CCL1: variants seen among roughly 807,000 people sequenced by gnomAD.
CCL1 encodes the protein C-C motif chemokine ligand 1, also known as C-C motif chemokine 1.
Under a neutral mutation model 7.5 loss-of-function variants are expected in CCL1, and 9 were observed. The ratio of observed to expected loss-of-function variants is 1.20; its 90% CI spans 0.72 to 2.09. CCL1 has a LOEUF of 2.09. Among genes scored for constraint, CCL1 ranks in the 30% most tolerant of loss-of-function variants. The pLI is 0.00. For missense variants in CCL1, 110 were observed against 113.7 expected, an observed-to-expected ratio of 0.97 and a Z score of 0.15; for synonymous variants, 48 against 44.7, an observed-to-expected ratio of 1.07 and a Z score of -0.30.
rs200448344 is a variant in CCL1 at position 34,363,137 on chromosome 17, C to G, written c.25G>C (p.Val9Leu). 43 of 1,613,796 alleles carry G rather than the reference C, an allele frequency of 2.7e-5. No homozygotes were observed. The Middle Eastern group carries it at 1.2e-3, about 43-fold the overall frequency. Residue 9 changes from valine (V) to leucine (L), a missense_variant, in exon 1 of 3, where the codon GTG (valine) becomes CTG (leucine). By Grantham distance (32) the Val-to-Leu change is conservative (BLOSUM62 1). Coordinates refer to ENST00000225842, the MANE Select transcript of CCL1 (RefSeq NM_002981.2). ...CACATCCCAGCTAGCAGCAAGCACA[C>G]CAGGGCTGTGGTGATGATCTGCATG... MQIITTAL[V>L]CLLLAGMWPE... is the part of the protein sequence containing the mutation.
intron 2 of CCL1, 73 bp downstream of exon 2, chr17:34,361,712 A>C: frequency 1.0e-6 from 1 of 995,032 alleles, no homozygotes; most frequent in South Asian, 1.3e-5. Context: ...ACTGTCATCT[A>C]GTGTCTACTC....
In CCL1 at chr17:34,360,397, G is replaced by T. The variant is rs1910473793; in HGVS notation, c.*162C>A. On this transcript the variant is annotated 3_prime_UTR_variant, in exon 3 of 3. Transcript: ENST00000225842. ...CCCAGAGGGTTGGGGGTTGATGATT[G>T]TATAATTTAAATGTTTAAAGTGCAA... is the stretch of plus-strand genomic sequence containing the variant. 3.3e-6 allele frequency: 2 copies of T among 603,152 alleles called. No individual in the cohort carries two copies. Among genetic ancestry groups the T allele is most frequent in the South Asian group, 1.9e-5 (1 of 51,676 alleles). 37.4% of individuals were successfully genotyped at this position (603,152 alleles called of 1,614,324 possible).
chr17:34,361,770 C>CCCT lies in CCL1; in HGVS notation c.188+14_188+15insAGG. On this transcript the variant is annotated intron_variant, in intron 2 of 2. Transcript: ENST00000225842. ...TTCTGTTCTCTAGGGAGAGATTGAG[C>CCCT]AGGTGATCACTTACATTAAGCCCTC... The CCCT allele has an allele frequency of 6.7e-7, 1 of 1,500,032 alleles. No homozygotes were observed. Among genetic ancestry groups the CCCT allele is most frequent in the Non-Finnish European group, 9.3e-7 (1 of 1,076,822 alleles). 92.9% of individuals were successfully genotyped at this position (1,500,032 alleles called of 1,614,324 possible). A position where few individuals can be genotyped will look rare whatever the true frequency, so the allele number is the denominator to read the frequency against.
At chr17:34,362,110 G>A (rs757030303) in intron 1 of CCL1, among the ~76,000 whole-genome samples, 5 of 152,140 alleles carry the variant, frequency 3.3e-5, no homozygotes, top group Non-Finnish European at 5.9e-5. Flanking sequence ...TGAGCTCCCC[G>A]CACCCCAGCT....
At chr17:34,362,956 C>T in intron 1 of CCL1, 130 bp downstream of exon 1, 1 of 797,534 alleles carries the variant, frequency 1.3e-6, no homozygotes, top group Non-Finnish European at 2.0e-6. Flanking sequence ...GTTCACCATT[C>T]CTCCTCTTTA....
At chr17:34,361,999 C>G (rs1214041823) in intron 1 of CCL1, 103 bp from the exon 2 acceptor site, 1 of 717,056 alleles carries the variant, frequency 1.4e-6, no homozygotes, top group Non-Finnish European at 2.4e-6. Flanking sequence ...AGGACAAGCC[C>G]TGGCTTGGGG....
At position 34,361,903 on chromosome 17, in the gene CCL1, G is replaced by A. The variant is rs1178517334; in HGVS notation, c.77-7C>T. On this transcript the variant is annotated splice_polypyrimidine_tract_variant and splice_region_variant and intron_variant, in intron 1 of 2. Transcript: ENST00000225842. ...CTGGAGAAGGGTACCTGCACTAGAA[G>A]AGGAACACAGACGATGGTTTGCATC... The A allele has an allele frequency of 3.2e-6, 5 of 1,558,034 alleles. No individual in the cohort carries two copies. Among genetic ancestry groups the A allele is most frequent in the East Asian group, 2.3e-5 (1 of 44,160 alleles).
chr17:34,362,049 G>C (rs1178076661), intron 1 of CCL1, among the ~76,000 whole-genome samples, 153 bp from the exon 2 acceptor site: 5 of 152,206 alleles, frequency 3.3e-5, no homozygotes, highest in Non-Finnish European at 5.9e-5. Context: ...TGCCTCATCA[G>C]CCACCTTGTT....
At position 34,361,773 on chromosome 17, in the gene CCL1, G is replaced by A. The variant is rs372789971; in HGVS notation, c.188+12C>T. The A allele has an allele frequency of 9.8e-6, 15 of 1,529,496 alleles. No individual in the cohort carries two copies. The highest frequency in any genetic ancestry group is 2.2e-5 in the South Asian group (2 of 89,328). The allele number at this position is 1,529,496 out of a possible 1,614,324, so 94.7% of individuals were successfully genotyped here. A position where few individuals can be genotyped will look rare whatever the true frequency, so the allele number is the denominator to read the frequency against. On this transcript the variant is annotated intron_variant, in intron 2 of 2. Transcript: ENST00000225842. ...TGTTCTCTAGGGAGAGATTGAGCAGGTGATCACTTACATTAAGCCCTCATT... is the reference window on the plus strand; with the variant it reads ...TGTTCTCTAGGGAGAGATTGAGCAGATGATCACTTACATTAAGCCCTCATT...
rs879212847 is a variant in CCL1, at chr17:34,361,916, G to A, written c.77-20C>T. ...CCTGCACTAGAAGAGGAACACAGAC[G>A]ATGGTTTGCATCCATTTCTCAACCT... On this transcript the variant is annotated intron_variant, in intron 1 of 2. Coordinates refer to ENST00000225842, the MANE Select transcript of CCL1 (RefSeq NM_002981.2). The A allele has an allele frequency of 6.0e-6, 9 of 1,490,426 alleles. No individual in the cohort carries two copies. Among genetic ancestry groups the A allele is most frequent in the Admixed American group, 1.7e-5 (1 of 58,994 alleles). 92.3% of individuals were successfully genotyped at this position (1,490,426 alleles called of 1,614,324 possible).
chr17:34,360,489 G>A lies in CCL1; in HGVS notation c.*70C>T. The A allele has an allele frequency of 8.7e-7, 1 of 1,153,828 alleles. No individual in the cohort carries two copies. Among genetic ancestry groups the A allele is most frequent in the South Asian group, 1.2e-5 (1 of 81,720 alleles). The allele number at this position is 1,153,828 out of a possible 1,614,324, so 71.5% of individuals were successfully genotyped here. On this transcript the variant is annotated 3_prime_UTR_variant, in exon 3 of 3. Coordinates refer to ENST00000225842, the MANE Select transcript of CCL1 (RefSeq NM_002981.2). ...GCAAAAGCAGGGCAGAAGGAATGGTGTAGGGCTGGTAGTTTCGGGGACAGG... is the reference window on the plus strand; with the variant it reads ...GCAAAAGCAGGGCAGAAGGAATGGTATAGGGCTGGTAGTTTCGGGGACAGG...
chr17:34,360,564 T>A lies in CCL1; in HGVS notation c.286A>T (p.Lys96Ter). The change falls in exon 3 of 3, where the codon AAA becomes TAA. Residue 96 changes from lysine to a stop codon, truncating the protein, a stop_gained. Transcript: ENST00000225842. LOFTEE classifies it high-confidence loss of function. ...KMLRHCPSKR[K>*] ...CACAATGGAAAGAAATCTGCTCATT[T>A]TCTTTTTGACGGGCAGTGCCTCAGC... 6.2e-7 allele frequency: 1 copy of A among 1,613,400 alleles called. No homozygotes were observed.
At chr17:34,361,233 C>G (rs1910498247) in intron 2 of CCL1, among the ~76,000 whole-genome samples, 1 of 152,086 alleles carries the variant, frequency 6.6e-6, no homozygotes, top group Non-Finnish European at 1.5e-5. Flanking sequence ...AAAATATGTG[C>G]CCCAAGAGGA....
intron 2 of CCL1, 90 bp from the exon 3 acceptor site, chr17:34,360,751 TC>T: frequency 2.1e-6 from 2 of 930,452 alleles, no homozygotes; most frequent in East Asian, 2.4e-5. Flanking sequence ...GGCTGCCAGG[TC>T]CCCTAAACTG....
Position 34,360,952 on chromosome 17 carries a change from G to T in CCL1, c.189-291C>A, listed in dbSNP as rs181033391. ...AAACATTCTGACGATTAGGTGAGAT[G>T]AGAAATTCCCATCCTGGAATAGCTC... On this transcript the variant is annotated intron_variant, in intron 2 of 2. Coordinates refer to ENST00000225842, the MANE Select transcript of CCL1 (RefSeq NM_002981.2). Among the ~76,000 whole-genome samples, 295 of 152,244 alleles carry T rather than the reference G, an allele frequency of 1.9e-3. 1 individual carries two copies. Among genetic ancestry groups the T allele is most frequent in the African/African-American group, 6.5e-3 (268 of 41,542 alleles).
intron 1 of CCL1, among the ~76,000 whole-genome samples, chr17:34,362,825 C>T (rs114641349): frequency 1.1e-3 from 161 of 152,266 alleles, no homozygotes; most frequent in African/African-American, 3.8e-3. Context: ...AGTAACCTCA[C>T]AGGTTCCCTT....
intron 1 of CCL1, 32 bp from the exon 2 acceptor site, chr17:34,361,928 C>T (rs758841817): frequency 3.5e-6 from 5 of 1,448,112 alleles, no homozygotes; most frequent in Non-Finnish European, 4.8e-6. Context: ...TGGTTTGCAT[C>T]CATTTCTCAA....
Position 34,361,776 on chromosome 17 carries a change from A to T in CCL1, c.188+9T>A, listed in dbSNP as rs1250964020. 1.3e-6 allele frequency: 2 copies of T among 1,552,294 alleles called. No individual in the cohort carries two copies. The highest frequency in any genetic ancestry group is 1.8e-6 in the Non-Finnish European group (2 of 1,124,088). ...TCTCTAGGGAGAGATTGAGCAGGTGATCACTTACATTAAGCCCTCATTGGA... is the reference window on the plus strand; with the variant it reads ...TCTCTAGGGAGAGATTGAGCAGGTGTTCACTTACATTAAGCCCTCATTGGA... On this transcript the variant is annotated intron_variant, in intron 2 of 2. Transcript: ENST00000225842.
chr17:34,361,540 T>C (rs1270645784), intron 2 of CCL1, among the ~76,000 whole-genome samples: 1 of 152,208 alleles, frequency 6.6e-6, no homozygotes, highest in Non-Finnish European at 1.5e-5. Context: ...TGGGATACAA[T>C]ACTTGGCACC....
Sources: gnomAD v4.1 joint callset for allele counts (sites outside exome capture counted in the v4.1 genomes callset) on GRCh38, gnomAD v4.1.1 for gene constraint, MANE v1.5 for transcripts, NCBI Gene and HGNC (gene_info 2026-07-23, HGNC 2026-07-21) for gene names.